COL6A5: variants seen among roughly 807,000 people sequenced by gnomAD.
The protein encoded by COL6A5 is collagen type VI alpha 5 chain, also known as collagen alpha-5(VI) chain.
In COL6A5, 48 loss-of-function variants were observed where a neutral mutation model predicts 65.6. The ratio of observed to expected loss-of-function variants is 0.73; its 90% CI spans 0.58 to 0.93. COL6A5 has a LOEUF of 0.93. Among genes scored for constraint, COL6A5 ranks in the 40% least tolerant of loss-of-function variants. COL6A5 has a pLI of 0.00. For synonymous variants in COL6A5, 291 were observed against 322.8 expected, an observed-to-expected ratio of 0.90 and a Z score of 1.05; for missense variants, 914 against 928.3, an observed-to-expected ratio of 0.98 and a Z score of 0.20.
exon 3 of COL6A5, chr3:130,440,675 G>A (rs1304679985): frequency 6.2e-6 from 10 of 1,613,296 alleles, no homozygotes; most frequent in Non-Finnish European, 8.5e-6. Context: ...CGTCATATTT[G>A]TGATTTCTCT....
intron 1 of COL6A5, among the ~76,000 whole-genome samples, chr3:130,369,652 A>G (rs960541931): frequency 5.3e-5 from 8 of 152,222 alleles, no homozygotes; most frequent in African/African-American, 1.9e-4. Context: ...GATATTTTTG[A>G]CCAAAGGAAT....
rs117697985 is a variant in COL6A5 at position 130,437,053 on chromosome 3, G to A, written c.488-2469G>A. 1.5e-3 allele frequency among the ~76,000 whole-genome samples: 235 copies of A among 152,018 alleles called. 3 individuals carry two copies. In the East Asian group the frequency reaches 0.041, roughly 27 times the overall value. ...AATTTTTTCCCAAAACTTGTACAAC[G>A]TACAGCCCTCTTCATCACAGCTAAT... On this transcript the variant is annotated intron_variant, in intron 1 of 7. Coordinates refer to ENST00000512836, the Ensembl canonical transcript of COL6A5.
intron 7 of COL6A5, chr3:130,476,917 G>A: frequency 1.4e-6 from 1 of 696,876 alleles, no homozygotes; most frequent in South Asian, 1.5e-5. Flanking sequence ...GTTATATTTG[G>A]CCAGCCCTGC....
chr3:130,374,287 C>G (rs1559864216), intron 2 of COL6A5, among the ~76,000 whole-genome samples: 1 of 152,110 alleles, frequency 6.6e-6, no homozygotes, highest in Non-Finnish European at 1.5e-5. Flanking sequence ...TGCTCATAGG[C>G]TAAAAACCTG....
intron 2 of COL6A5, among the ~76,000 whole-genome samples, chr3:130,439,912 C>T (rs1202606939): frequency 6.6e-6 from 1 of 152,178 alleles, no homozygotes; most frequent in Non-Finnish European, 1.5e-5. Flanking sequence ...TGAGCTTGGA[C>T]ATGACTTGTA....
chr3:130,395,054 T>C, exon 8 of COL6A5: 1 of 1,551,666 alleles, frequency 6.4e-7, no homozygotes, highest in East Asian at 2.4e-5. Flanking sequence ...TGGAAGCAAC[T>C]ACCAGAGTAT....
At chr3:130,399,815 C>A (rs1387102689) in intron 10 of COL6A5, among the ~76,000 whole-genome samples, 2 of 152,092 alleles carry the variant, frequency 1.3e-5, no homozygotes, top group Non-Finnish European at 2.9e-5. Flanking sequence ...TGCAGTGACA[C>A]AATCTCAGCT....
chr3:130,367,046 C>T (rs1348474007), intron 1 of COL6A5, among the ~76,000 whole-genome samples: 1 of 152,180 alleles, frequency 6.6e-6, no homozygotes, highest in Admixed American at 6.5e-5. Context: ...AAGCCTATTT[C>T]AGTTCCATAA....
At chr3:130,461,903 T>C (rs1405860516) in intron 5 of COL6A5, among the ~76,000 whole-genome samples, 4 of 151,956 alleles carry the variant, frequency 2.6e-5, no homozygotes, top group Non-Finnish European at 5.9e-5. Context: ...CTTTTCTCAG[T>C]GTGCTGGTCC....
exon 3 of COL6A5, chr3:130,440,308 T>A: frequency 6.2e-7 from 1 of 1,613,412 alleles, no homozygotes; most frequent in Non-Finnish European, 8.5e-7. Flanking sequence ...GCTCAGTGAT[T>A]GACAACTTCA....
chr3:130,419,469 G>C (rs1393495988), intron 25 of COL6A5, among the ~76,000 whole-genome samples: 1 of 152,134 alleles, frequency 6.6e-6, no homozygotes, highest in East Asian at 1.9e-4. Context: ...AATTTACCAA[G>C]CACAAACATT....
At chr3:130,388,894 T>G (rs755300766) in exon 6 of COL6A5, 1 of 1,548,142 alleles carries the variant, frequency 6.5e-7, no homozygotes, top group South Asian at 1.2e-5. Flanking sequence ...GGGGGCCCGT[T>G]TGGGGGCCAA....
At chr3:130,431,622 C>G (rs1937814408) in exon 1 of COL6A5, 1 of 1,551,484 alleles carries the variant, frequency 6.4e-7, no homozygotes, top group East Asian at 2.4e-5. Context: ...CAAGAGTTGC[C>G]ATGGTTTCCT....
chr3:130,381,994 T>C (rs1370332226), intron 4 of COL6A5, among the ~76,000 whole-genome samples: 2 of 152,006 alleles, frequency 1.3e-5, no homozygotes, highest in African/African-American at 4.8e-5. Context: ...CTGACTTAAG[T>C]TGGGCTCCTC....
At chr3:130,484,809 G>A (rs1340897306) in exon 8 of COL6A5, 3 of 398,628 alleles carry the variant, frequency 7.5e-6, no homozygotes, top group Non-Finnish European at 1.3e-5. Context: ...AATGTAGCAA[G>A]AGATAATTTC....
chr3:130,428,992 T>C (rs1937681222), upstream of COL6A5, among the ~76,000 whole-genome samples: 3 of 152,346 alleles, frequency 2.0e-5, no homozygotes, highest in East Asian at 3.9e-4. Flanking sequence ...TTCCTCTCAG[T>C]TGAGGGAACC....
exon 8 of COL6A5, chr3:130,395,109 A>G: frequency 6.4e-7 from 1 of 1,551,700 alleles, no homozygotes. Context: ...TGGAAGACTC[A>G]AATTCAGAAT....
chr3:130,375,561 G>A (rs75412088), intron 2 of COL6A5, among the ~76,000 whole-genome samples: 1,809 of 152,014 alleles, frequency 0.012, 31 homozygotes, highest in African/African-American at 0.042. Context: ...ACTCTATAAC[G>A]TTTTCAAAAA....
rs368689388 is a variant in COL6A5 at position 130,359,975 on chromosome 3, A to G, written c.-28-13636A>G. On this transcript the variant is annotated intron_variant and NMD_transcript_variant, in intron 1 of 41. Transcript: ENST00000312481. ...AAATTCTACTTTTGAATTGTTCACA[A>G]TTCATGACCGTTTGTTATGGGGGAA... Among the ~76,000 whole-genome samples, 22 of 152,226 alleles carry G rather than the reference A, an allele frequency of 1.4e-4. No homozygotes were observed. The South Asian group carries it at 4.6e-3, about 32-fold the overall frequency.
Sources: allele counts gnomAD v4.1 joint callset (sites outside exome capture counted in the v4.1 genomes callset), GRCh38; gene constraint gnomAD v4.1.1; transcripts MANE v1.5; gene names NCBI Gene and HGNC (gene_info 2026-07-23, HGNC 2026-07-21).